The following NIBAN1 variants were observed in gnomAD, a reference collection of about 807,000 sequenced individuals.
NIBAN1 encodes the protein protein Niban 1.
In NIBAN1, 81 loss-of-function variants were observed where a neutral mutation model predicts 75.1. The observed-to-expected ratio is 1.08, with a 90% CI of 0.90 to 1.30. NIBAN1 has a LOEUF of 1.30. Among genes scored for constraint, NIBAN1 ranks in the 50% most tolerant of loss-of-function variants. The pLI is 0.00. For missense variants in NIBAN1, 1,133 were observed against 1,128.1 expected (o/e 1.00, Z -0.06); for synonymous variants, 436 against 424.8 (o/e 1.03, Z -0.32).
chr1:184,926,752 AC>A (rs1190745507), intron 1 of NIBAN1, among the ~76,000 whole-genome samples: 1 of 151,936 alleles, frequency 6.6e-6, no homozygotes, highest in Non-Finnish European at 1.5e-5. Context: ...TAAACTTTCT[AC>A]CCCTATCTGT....
chr1:184,967,302 T>C (rs1395182892), intron 1 of NIBAN1, among the ~76,000 whole-genome samples: 1 of 152,084 alleles, frequency 6.6e-6, no homozygotes, highest in East Asian at 1.9e-4. Flanking sequence ...CTGTAGCAGA[T>C]GAATTGTGCT....
intron 6 of NIBAN1, among the ~76,000 whole-genome samples, chr1:184,828,070 A>C (rs1159434264): frequency 6.6e-6 from 1 of 151,350 alleles, no homozygotes; most frequent in Non-Finnish European, 1.5e-5. Context: ...ATAGCTAGAG[A>C]TACTTTACAG....
intron 1 of NIBAN1, among the ~76,000 whole-genome samples, chr1:184,960,689 C>T (rs1303609384): frequency 6.6e-6 from 1 of 152,004 alleles, no homozygotes; most frequent in Non-Finnish European, 1.5e-5. Context: ...AGTGCAGTGG[C>T]ACAGTCTCGG....
intron 1 of NIBAN1, among the ~76,000 whole-genome samples, chr1:184,964,193 G>A (rs1028334353): frequency 5.3e-5 from 8 of 152,182 alleles, no homozygotes; most frequent in African/African-American, 1.9e-4. Flanking sequence ...TGACTGCTGA[G>A]GAGTGGAAGG....
At position 184,939,552 on chromosome 1, in the gene NIBAN1, C is replaced by T. The variant is rs138989082; in HGVS notation, c.55+34750G>A. On this transcript the variant is annotated intron_variant, in intron 1 of 13. Coordinates refer to ENST00000367511, the MANE Select transcript of NIBAN1 (RefSeq NM_052966.4). ...TTTCTGGAATTCACAAAGCCCATTCCGGACACATTTTAAATGCATTTATCA... is the reference window on the plus strand; with the variant it reads ...TTTCTGGAATTCACAAAGCCCATTCTGGACACATTTTAAATGCATTTATCA... 6.0e-4 allele frequency among the ~76,000 whole-genome samples: 92 copies of T among 152,282 alleles called. 1 individual carries two copies. The East Asian group carries it at 8.1e-3, about 13-fold the overall frequency.
chr1:184,805,758 T>C (rs1187088705), intron 11 of NIBAN1, among the ~76,000 whole-genome samples, 188 bp downstream of exon 11: 2 of 151,988 alleles, frequency 1.3e-5, no homozygotes, highest in African/African-American at 4.8e-5. Context: ...CAGTGGCCGC[T>C]AGATGGCAGA....
intron 1 of NIBAN1, among the ~76,000 whole-genome samples, chr1:184,939,725 A>G (rs1344691585): frequency 2.0e-5 from 3 of 152,176 alleles, no homozygotes; most frequent in Admixed American, 2.0e-4. Flanking sequence ...ACTGATACCT[A>G]CAGAACTGGC....
At chr1:184,814,937 G>A (rs1162955056) in intron 9 of NIBAN1, among the ~76,000 whole-genome samples, 1 of 152,138 alleles carries the variant, frequency 6.6e-6, no homozygotes, top group Non-Finnish European at 1.5e-5. Context: ...TTAAGCTTTT[G>A]TTATTAAAGG....
intron 1 of NIBAN1, among the ~76,000 whole-genome samples, chr1:184,964,949 T>C (rs1658742244): frequency 6.6e-6 from 1 of 152,198 alleles, no homozygotes; most frequent in South Asian, 2.1e-4. Context: ...TAAGTATCAA[T>C]GGAACAGCTA....
chr1:184,965,409 T>C (rs1457521764), intron 1 of NIBAN1, among the ~76,000 whole-genome samples: 1 of 152,168 alleles, frequency 6.6e-6, no homozygotes, highest in Non-Finnish European at 1.5e-5. Context: ...ACATTTTCTT[T>C]ATTGATGGGC....
chr1:184,794,850 T>C lies in NIBAN1; in HGVS notation c.*127A>G. Reference sequence around the variant, plus strand: ...GCTCATGCCCTGTATGCATTTCCTCTGGTTTTATTATTCAAATTAAGAAAA... The same window carrying C: ...GCTCATGCCCTGTATGCATTTCCTCCGGTTTTATTATTCAAATTAAGAAAA... On this transcript the variant is annotated 3_prime_UTR_variant, in exon 14 of 14. Coordinates refer to ENST00000367511, the MANE Select transcript of NIBAN1 (RefSeq NM_052966.4). The C allele has an allele frequency of 1.6e-6, 2 of 1,259,546 alleles. No homozygotes were observed. The highest frequency in any genetic ancestry group is 2.3e-6 in the Non-Finnish European group (2 of 885,794). 78.0% of individuals were successfully genotyped at this position (1,259,546 alleles called of 1,614,324 possible). A position where few individuals can be genotyped will look rare whatever the true frequency, so the allele number is the denominator to read the frequency against.
chr1:184,963,686 A>G (rs577130551), intron 1 of NIBAN1, among the ~76,000 whole-genome samples: 1 of 152,338 alleles, frequency 6.6e-6, no homozygotes, highest in South Asian at 2.1e-4. Flanking sequence ...GAAAGGCACC[A>G]ATAAATAAAC....
At chr1:184,906,368 C>T (rs1390595256) in intron 1 of NIBAN1, among the ~76,000 whole-genome samples, 1 of 151,870 alleles carries the variant, frequency 6.6e-6, no homozygotes, top group Non-Finnish European at 1.5e-5. Flanking sequence ...CGGTGGCTCA[C>T]ACCTGTAATC....
rs1489884959 is a variant in NIBAN1, at chr1:184,974,311, A to G, written c.46T>C (p.Tyr16His). The stretch of plus-strand genomic sequence containing the variant: ...GGGCGGGCGGGCGTACCTCGGATGT[A>G]AGCGCACTTGCCCTCGTCCAGCTGG... ...SSQLDEGKCA[Y>H]IRGKTEAAIK... Residue 16 changes from tyrosine (Y) to histidine (H), a missense_variant, in exon 1 of 14, where the codon TAC (tyrosine) becomes CAC (histidine). Tyr to His is a moderately conservative substitution (Grantham distance 83). Coordinates refer to ENST00000367511, the MANE Select transcript of NIBAN1 (RefSeq NM_052966.4). The G allele has an allele frequency of 6.4e-7, 1 of 1,565,986 alleles. No homozygotes were observed. The highest frequency in any genetic ancestry group is 8.6e-7 in the Non-Finnish European group (1 of 1,163,050).
intron 9 of NIBAN1, among the ~76,000 whole-genome samples, chr1:184,815,723 T>C (rs973993429): frequency 2.0e-5 from 3 of 152,224 alleles, no homozygotes; most frequent in Admixed American, 6.5e-5. Context: ...AGGCCCAGTG[T>C]AGGTGAGAAA....
chr1:184,842,326 T>C (rs1655308928), intron 5 of NIBAN1, among the ~76,000 whole-genome samples: 1 of 152,196 alleles, frequency 6.6e-6, no homozygotes. Context: ...TCTGATTCAA[T>C]AGGTCTGGGG....
chr1:184,915,806 C>A (rs887531491), intron 1 of NIBAN1, among the ~76,000 whole-genome samples: 3 of 152,016 alleles, frequency 2.0e-5, no homozygotes, highest in Non-Finnish European at 2.9e-5. Flanking sequence ...TGAAAGAAAC[C>A]TGCATAGCAA....
At chr1:184,859,978 C>G (rs1270452343) in intron 5 of NIBAN1, among the ~76,000 whole-genome samples, 1 of 152,102 alleles carries the variant, frequency 6.6e-6, no homozygotes, top group Non-Finnish European at 1.5e-5. Flanking sequence ...GGAACCAAAG[C>G]CAGAACTTCA....
At chr1:184,802,992 T>C (rs1654086408) in intron 12 of NIBAN1, among the ~76,000 whole-genome samples, 1 of 152,224 alleles carries the variant, frequency 6.6e-6, no homozygotes, top group Admixed American at 6.5e-5. Context: ...TTTCAGTCTC[T>C]GCTGGCCCAT....
Sources: gnomAD v4.1 joint callset for allele counts (sites outside exome capture counted in the v4.1 genomes callset) on GRCh38, gnomAD v4.1.1 for gene constraint, MANE v1.5 for transcripts, NCBI Gene and HGNC (gene_info 2026-07-23, HGNC 2026-07-21) for gene names.